SLC20A2: variants seen among roughly 807,000 people sequenced by gnomAD.
The protein encoded by SLC20A2 is solute carrier family 20 member 2.
A neutral mutation model predicts 61.0 loss-of-function variants in SLC20A2; 30 were observed. The observed-to-expected ratio is 0.49, with a 90% CI of 0.37 to 0.67. The LOEUF is 0.67. SLC20A2 is among the 30% of genes least tolerant of loss of function. The probability of loss-of-function intolerance (pLI) is 0.00; values close to 1 mark genes in which losing one functional copy is unlikely to be tolerated. For synonymous variants in SLC20A2, 351 were observed against 353.3 expected, an observed-to-expected ratio of 0.99 and a Z score of 0.07; for missense variants, 626 against 866.4, an observed-to-expected ratio of 0.72 and a Z score of 3.48.
rs1410162557 is a variant in SLC20A2, at chr8:42,439,730, C to A, written c.731-77G>T. 12 of 1,106,930 alleles carry A rather than the reference C, an allele frequency of 1.1e-5. 1 individual carries two copies. The African/African-American group carries it at 1.6e-4, about 14-fold the overall frequency. 68.6% of individuals were successfully genotyped at this position (1,106,930 alleles called of 1,614,324 possible). A position where few individuals can be genotyped will look rare whatever the true frequency, so the allele number is the denominator to read the frequency against. On this transcript the variant is annotated intron_variant, in intron 6 of 10. Coordinates refer to ENST00000520262, the MANE Select transcript of SLC20A2 (RefSeq NM_001257180.2). The stretch of plus-strand genomic sequence containing the variant: ...GAAACATGAATATTAAAAAGTGAAT[C>A]TATATCTTTATGCTTTAGCACTGAT...
intron 5 of SLC20A2, among the ~76,000 whole-genome samples, chr8:42,454,061 T>C (rs2131118643): frequency 6.6e-6 from 1 of 152,274 alleles, no homozygotes; most frequent in African/African-American, 2.4e-5. Context: ...TGGAGTGCAG[T>C]GGTGCAATCT....
chr8:42,429,996 A>T, intron 9 of SLC20A2, 68 bp downstream of exon 9: 1 of 1,397,966 alleles, frequency 7.2e-7, no homozygotes, highest in Non-Finnish European at 9.7e-7. Context: ...GTTCAGACAC[A>T]GCCGGGAAGC....
chr8:42,432,707 G>A (rs796913232), intron 8 of SLC20A2, among the ~76,000 whole-genome samples: 7 of 152,298 alleles, frequency 4.6e-5, no homozygotes, highest in African/African-American at 1.7e-4. Context: ...ACCCTGATGA[G>A]TCAGCAGACA....
At chr8:42,521,481 A>T (rs1811619797) in intron 1 of SLC20A2, among the ~76,000 whole-genome samples, 1 of 119,970 alleles carries the variant, frequency 8.3e-6, no homozygotes, top group Non-Finnish European at 2.0e-5. Context: ...TGGGGTGATG[A>T]ATCGATCCTG....
At chr8:42,541,171 G>A (rs1038488961) in intron 1 of SLC20A2, 3 of 152,188 alleles carry the variant, frequency 2.0e-5, no homozygotes, top group African/African-American at 7.2e-5. Flanking sequence ...AGCGCGCACA[G>A]CGGAGCAGGA....
chr8:42,484,952 G>A, intron 1 of SLC20A2: 1 of 373,798 alleles, frequency 2.7e-6, no homozygotes, highest in African/African-American at 2.1e-5. Context: ...GGTGAACAGG[G>A]CACACGACTA....
At chr8:42,523,355 T>A (rs946787821) in intron 1 of SLC20A2, among the ~76,000 whole-genome samples, 3 of 144,722 alleles carry the variant, frequency 2.1e-5, no homozygotes, top group Non-Finnish European at 4.4e-5. Context: ...ATAAATAAAA[T>A]AAATAAATAA....
chr8:42,428,270 C>T (rs1023457336), intron 10 of SLC20A2, among the ~76,000 whole-genome samples: 11 of 152,220 alleles, frequency 7.2e-5, no homozygotes, highest in African/African-American at 2.4e-4. Flanking sequence ...AATTACCCCT[C>T]GTGGGGAATT....
chr8:42,433,332 C>CT (rs397891898), intron 8 of SLC20A2, among the ~76,000 whole-genome samples: 4,298 of 151,486 alleles, frequency 0.028, 185 homozygotes, highest in Admixed American at 0.12. Flanking sequence ...GAGTATTTAT[C>CT]TTTTTTTTTG....
At chr8:42,490,887 CT>C (rs146551698) in intron 1 of SLC20A2, among the ~76,000 whole-genome samples, 2 of 152,162 alleles carry the variant, frequency 1.3e-5, no homozygotes, top group Non-Finnish European at 2.9e-5. Context: ...GGCAATCACT[CT>C]TTTAAAAACC....
chr8:42,541,179 G>A (rs1296542915), intron 1 of SLC20A2: 2 of 152,178 alleles, frequency 1.3e-5, no homozygotes, highest in East Asian at 1.9e-4. Flanking sequence ...CAGCGGAGCA[G>A]GAGGCGCCCG....
At chr8:42,467,972 G>A (rs918393722) in intron 2 of SLC20A2, among the ~76,000 whole-genome samples, 26 of 150,766 alleles carry the variant, frequency 1.7e-4, no homozygotes, top group African/African-American at 5.6e-4. Context: ...GCGCAATCTC[G>A]GCTCACTGCA....
intron 1 of SLC20A2, among the ~76,000 whole-genome samples, chr8:42,533,654 CTTTTTTTTTTTT>C (rs1162369065): frequency 1.8e-5 from 1 of 55,310 alleles, no homozygotes; most frequent in Non-Finnish European, 3.3e-5. Flanking sequence ...ATCAACTGTT[CTTTTTTTTTTTT>C]TTTTTTTTTT....
chr8:42,424,565 T>C (rs1424205023), intron 10 of SLC20A2, among the ~76,000 whole-genome samples: 1 of 152,156 alleles, frequency 6.6e-6, no homozygotes. Context: ...ATACAAAATA[T>C]ATAAAACCAG....
intron 1 of SLC20A2, among the ~76,000 whole-genome samples, chr8:42,475,058 A>G (rs1563500961): frequency 1.3e-5 from 2 of 152,112 alleles, no homozygotes; most frequent in African/African-American, 2.4e-5. Flanking sequence ...CCATGTGGAC[A>G]GTGGGGTGCC....
chr8:42,533,708 G>T, intron 1 of SLC20A2, among the ~76,000 whole-genome samples: 1 of 124,900 alleles, frequency 8.0e-6, no homozygotes. Context: ...CGCCCAGGCT[G>T]GAGTGCAGTG....
intron 1 of SLC20A2, among the ~76,000 whole-genome samples, chr8:42,540,691 T>C (rs1002469777): frequency 2.0e-5 from 3 of 152,244 alleles, no homozygotes; most frequent in Non-Finnish European, 2.9e-5. Flanking sequence ...ATGTGACTTA[T>C]AATTACCAGT....
rs1802711851 is a variant in SLC20A2 at position 42,417,037 on chromosome 8, G to A, written c.*766C>T. ...ACCGCCACACACTGCTCTGGGGCAG[G>A]CGTGATCAGTGAGGGTGGGAGACAG... On this transcript the variant is annotated 3_prime_UTR_variant, in exon 11 of 11. Transcript: ENST00000520262. 1.3e-5 allele frequency: 2 copies of A among 152,718 alleles called. No homozygotes were observed. The highest frequency in any genetic ancestry group is 1.3e-4 in the Admixed American group (2 of 15,282). 9.5% of individuals were successfully genotyped at this position (152,718 alleles called of 1,614,324 possible).
upstream of SLC20A2, among the ~76,000 whole-genome samples, chr8:42,503,949 T>C (rs1452056261): frequency 6.6e-6 from 1 of 152,210 alleles, no homozygotes; most frequent in Admixed American, 6.5e-5. Flanking sequence ...TGGCATCCTT[T>C]GTTTTTTAGA....
Sources: gnomAD v4.1 joint callset for allele counts (sites outside exome capture counted in the v4.1 genomes callset) on GRCh38, gnomAD v4.1.1 for gene constraint, MANE v1.5 for transcripts, NCBI Gene and HGNC (gene_info 2026-07-23, HGNC 2026-07-21) for gene names.